Variants in CACNB2 observed in about 807,000 individuals in gnomAD.
The protein encoded by CACNB2 is calcium voltage-gated channel auxiliary subunit beta 2.
Under a neutral mutation model 73.3 loss-of-function variants are expected in CACNB2, and 42 were observed. That is an observed-to-expected ratio of 0.57 (90% CI 0.45 to 0.74). The LOEUF is 0.74. Ranked by LOEUF, CACNB2 falls within the 30% of genes least tolerant of loss-of-function variation. The pLI is 0.00. For missense variants in CACNB2, 940 were observed against 853.0 expected, an observed-to-expected ratio of 1.10 and a Z score of -1.27; for synonymous variants, 348 against 310.3, an observed-to-expected ratio of 1.12 and a Z score of -1.28.
intron 2 of CACNB2, chr10:18,400,544 T>C (rs767334393): frequency 2.6e-5 from 26 of 1,018,326 alleles, no homozygotes; most frequent in Non-Finnish European, 3.1e-5. Flanking sequence ...TGGGAGTGCG[T>C]CCTCCTCCCT....
intron 3 of CACNB2, among the ~76,000 whole-genome samples, chr10:18,449,159 T>C (rs1366446366): frequency 1.3e-5 from 2 of 151,658 alleles, no homozygotes; most frequent in Non-Finnish European, 2.9e-5. Flanking sequence ...CTGAGGCGGG[T>C]GGATCACGAG....
chr10:18,536,079 A>AAAAACTCATTATCT, intron 11 of CACNB2, 22 bp from the exon 12 acceptor site: 2 of 1,450,444 alleles, frequency 1.4e-6, no homozygotes, highest in Non-Finnish European at 1.9e-6. Flanking sequence ...TTACTCTGTT[A>AAAAACTCATTATCT]AAAACTCATT....
intron 3 of CACNB2, among the ~76,000 whole-genome samples, chr10:18,438,982 G>A (rs893868579): frequency 2.0e-5 from 3 of 152,240 alleles, no homozygotes; most frequent in African/African-American, 7.2e-5. Context: ...ACGTGAATTG[G>A]TGGTAAACTG....
At chr10:18,350,584 G>A (rs954633464) in intron 2 of CACNB2, among the ~76,000 whole-genome samples, 3 of 152,118 alleles carry the variant, frequency 2.0e-5, no homozygotes, top group African/African-American at 7.2e-5. Context: ...TTCACCCAGG[G>A]GTACCTCCTT....
chr10:18,151,307 T>G, intron 2 of CACNB2: 1 of 246,554 alleles, frequency 4.1e-6, no homozygotes, highest in Non-Finnish European at 7.7e-6. Flanking sequence ...AGAGAGCTGA[T>G]GTGCATCTGT....
intron 2 of CACNB2, among the ~76,000 whole-genome samples, chr10:18,214,040 GTTTAC>G (rs112998507): frequency 6.6e-5 from 10 of 152,182 alleles, no homozygotes; most frequent in African/African-American, 2.4e-4. Flanking sequence ...AAGATTCCCA[GTTTAC>G]TTCACGTATC....
intron 2 of CACNB2, among the ~76,000 whole-genome samples, chr10:18,289,666 G>GGTAGCTATT (rs886563032): frequency 1.3e-5 from 2 of 151,994 alleles, no homozygotes; most frequent in Non-Finnish European, 2.9e-5. Context: ...TTCAGCAAAT[G>GGTAGCTATT]GTAGCTATTA....
intron 3 of CACNB2, among the ~76,000 whole-genome samples, chr10:18,490,897 G>A (rs947396667): frequency 1.3e-5 from 2 of 152,086 alleles, no homozygotes; most frequent in African/African-American, 2.4e-5. Flanking sequence ...AGGACAGCTT[G>A]AAGGACAACC....
intron 11 of CACNB2, among the ~76,000 whole-genome samples, chr10:18,535,247 A>G (rs531663012): frequency 6.6e-6 from 1 of 152,300 alleles, no homozygotes; most frequent in East Asian, 1.9e-4. Flanking sequence ...AATAGTCTTT[A>G]AGGAACCACC....
At chr10:18,175,267 A>C (rs2033513502) in intron 2 of CACNB2, among the ~76,000 whole-genome samples, 1 of 152,310 alleles carries the variant, frequency 6.6e-6, no homozygotes, top group East Asian at 1.9e-4. Context: ...CACTGGTACC[A>C]GTTTGGTACT....
At chr10:18,500,303 T>A (rs1223826981) in intron 4 of CACNB2, among the ~76,000 whole-genome samples, 2 of 152,228 alleles carry the variant, frequency 1.3e-5, no homozygotes, top group African/African-American at 4.8e-5. Context: ...ATTGTCAACA[T>A]CACACAAGTA....
At chr10:18,352,811 C>T (rs1033651156) in intron 2 of CACNB2, among the ~76,000 whole-genome samples, 1 of 152,080 alleles carries the variant, frequency 6.6e-6, no homozygotes, top group Non-Finnish European at 1.5e-5. Context: ...ATTGGATTTT[C>T]TCATGTTCTG....
chr10:18,261,024 G>C, intron 2 of CACNB2: 1 of 1,412,624 alleles, frequency 7.1e-7, no homozygotes, highest in Non-Finnish European at 9.2e-7. Flanking sequence ...AAACCCCCTT[G>C]AAGAAGATCT....
intron 2 of CACNB2, among the ~76,000 whole-genome samples, chr10:18,188,806 A>G (rs542773432): frequency 9.9e-5 from 15 of 152,270 alleles, no homozygotes; most frequent in Non-Finnish European, 2.1e-4. Flanking sequence ...TAGTATAGAA[A>G]AAAAAGACAA....
chr10:18,393,650 G>T (rs528113966), intron 2 of CACNB2, among the ~76,000 whole-genome samples: 1 of 152,328 alleles, frequency 6.6e-6, no homozygotes, highest in African/African-American at 2.4e-5. Flanking sequence ...CTTTCAGGCA[G>T]GATGAGCTGC....
At chr10:18,515,186 C>T in intron 7 of CACNB2, 2 of 712,876 alleles carry the variant, frequency 2.8e-6, no homozygotes, top group South Asian at 1.5e-5. Context: ...AGATGCTACA[C>T]AGCGAGGCTC....
chr10:18,267,806 CCTAT>C (rs1289983462), intron 2 of CACNB2, among the ~76,000 whole-genome samples: 2 of 152,136 alleles, frequency 1.3e-5, no homozygotes, highest in Admixed American at 6.5e-5. Context: ...CCAGTTAACA[CCTAT>C]CACTTTTTCT....
chr10:18,410,897 T>C (rs897166312), intron 3 of CACNB2, among the ~76,000 whole-genome samples: 5 of 152,038 alleles, frequency 3.3e-5, no homozygotes, highest in Admixed American at 2.6e-4. Context: ...AGAGAATCAC[T>C]GGAACCCAGG....
At chr10:18,490,652 C>T (rs971051993) in intron 3 of CACNB2, among the ~76,000 whole-genome samples, 1 of 152,134 alleles carries the variant, frequency 6.6e-6, no homozygotes, top group African/African-American at 2.4e-5. Context: ...ACGTAGTATC[C>T]TAATGATTCT....
Sources: gnomAD v4.1 joint callset for allele counts (sites outside exome capture counted in the v4.1 genomes callset) on GRCh38, gnomAD v4.1.1 for gene constraint, MANE v1.5 for transcripts, NCBI Gene and HGNC (gene_info 2026-07-23, HGNC 2026-07-21) for gene names.